Variants in CARD8 observed in about 807,000 individuals in gnomAD.
CARD8 encodes caspase recruitment domain-containing protein 8.
CARD8 carries 38 observed loss-of-function variants against 53.2 expected under a neutral mutation model. The observed-to-expected ratio is 0.71, with a 90% CI of 0.55 to 0.94. The LOEUF (loss-of-function observed/expected upper bound fraction) is 0.94, where lower values mean the gene tolerates loss of function less well. Ranked by LOEUF, CARD8 falls within the 40% of genes least tolerant of loss-of-function variation. The pLI, the probability that CARD8 is intolerant of heterozygous loss-of-function variation, is 0.00. For synonymous variants in CARD8, 245 were observed against 244.9 expected, an observed-to-expected ratio of 1.00 and a Z score of 0.00; for missense variants, 561 against 655.5, an observed-to-expected ratio of 0.86 and a Z score of 1.57.
intron 13 of CARD8, 114 bp from the exon 14 acceptor site, chr19:48,212,089 G>T (rs11669386): frequency 1.1e-6 from 1 of 949,246 alleles, no homozygotes; most frequent in East Asian, 2.4e-5. Flanking sequence ...TGTGTCTGTA[G>T]CTTAATTTGT....
intron 3 of CARD8, among the ~76,000 whole-genome samples, chr19:48,243,352 A>T (rs2045546993): frequency 6.6e-6 from 1 of 152,254 alleles, no homozygotes; most frequent in East Asian, 1.9e-4. Context: ...AAAACCCTAT[A>T]CAAATGTTTT....
In CARD8 at chr19:48,238,495, G is replaced by C. The variant is rs2044321916; in HGVS notation, c.97C>G (p.Leu33Val). The C allele has an allele frequency of 6.5e-7, 1 of 1,536,324 alleles. No homozygotes were observed. Among genetic ancestry groups the C allele is most frequent in the South Asian group, 1.2e-5 (1 of 84,072 alleles). Residue 33 changes from leucine (L) to valine (V), a missense_variant, in exon 5 of 14, where the codon CTC (leucine) becomes GTC (valine). Leu to Val is a conservative substitution (Grantham distance 32, BLOSUM62 1). Coordinates refer to ENST00000651546, the MANE Select transcript of CARD8 (RefSeq NM_001184900.3). Reference sequence around the variant, plus strand: ...TTCCGTGATCCTTGTAGTCTAATGAGTTTGGATGCATCTATGTTCCTACTG... The same window carrying C: ...TTCCGTGATCCTTGTAGTCTAATGACTTTGGATGCATCTATGTTCCTACTG... ...GSSRNIDASK[L>V]IRLQGSRKLL... is the part of the protein sequence containing the mutation.
chr19:48,227,686 C>T (rs2042057102), intron 10 of CARD8, among the ~76,000 whole-genome samples: 1 of 151,780 alleles, frequency 6.6e-6, no homozygotes, highest in East Asian at 1.9e-4. Flanking sequence ...GCCTGTAATC[C>T]CAACTACTCA....
At chr19:48,237,953 C>T (rs1446167397) in intron 5 of CARD8, among the ~76,000 whole-genome samples, 2 of 151,990 alleles carry the variant, frequency 1.3e-5, no homozygotes, top group South Asian at 2.1e-4. Flanking sequence ...TGCAGTTGCA[C>T]GATCTCGGCT....
At chr19:48,217,106 TG>T (rs2039477912) in intron 12 of CARD8, among the ~76,000 whole-genome samples, 1 of 151,972 alleles carries the variant, frequency 6.6e-6, no homozygotes, top group Non-Finnish European at 1.5e-5. Flanking sequence ...ATGCCACCAC[TG>T]ATCCGACAGG....
At chr19:48,238,568 G>C (rs2044340898) in intron 4 of CARD8, 36 bp from the exon 5 acceptor site, 2 of 1,530,120 alleles carry the variant, frequency 1.3e-6, no homozygotes, top group South Asian at 2.4e-5. Flanking sequence ...ATGTGAGCAT[G>C]TCAGAGGAGC....
At chr19:48,224,825 G>A (rs976501693) in intron 10 of CARD8, among the ~76,000 whole-genome samples, 23 of 149,148 alleles carry the variant, frequency 1.5e-4, no homozygotes, top group Non-Finnish European at 3.0e-4. Flanking sequence ...GTGCGATCTC[G>A]GCTCACTGAA....
In CARD8 at chr19:48,210,496, TATA is replaced by T. The variant is rs2037800337; in HGVS notation, c.*1211_*1213del. On this transcript the variant is annotated 3_prime_UTR_variant, in exon 14 of 14. Transcript: ENST00000651546. Reference sequence around the variant, plus strand: ...TCTGAGTGATTAAAAGTAGAAAATATATAATAATTTATTGATGGGTTTTAAGAT... The same window carrying T: ...TCTGAGTGATTAAAAGTAGAAAATATATAATTTATTGATGGGTTTTAAGAT... 1 of 152,084 alleles carries T rather than the reference TATA, an allele frequency of 6.6e-6. No homozygotes were observed. The highest frequency in any genetic ancestry group is 2.1e-4 in the South Asian group (1 of 4,834). The allele number at this position is 152,084 out of a possible 1,614,324, so 9.4% of individuals were successfully genotyped here. A position where few individuals can be genotyped will look rare whatever the true frequency, so the allele number is the denominator to read the frequency against.
intron 3 of CARD8, among the ~76,000 whole-genome samples, chr19:48,248,688 C>T (rs192351639): frequency 4.6e-5 from 7 of 152,296 alleles, no homozygotes; most frequent in Admixed American, 1.3e-4. Flanking sequence ...TGTATCTAGA[C>T]TTCAAGACAC....
intron 6 of CARD8, 100 bp from the exon 7 acceptor site, chr19:48,232,593 C>A: frequency 2.0e-6 from 2 of 996,314 alleles, no homozygotes; most frequent in Non-Finnish European, 3.1e-6. Flanking sequence ...CTGCACTGTC[C>A]CGTAGAGTAG....
At chr19:48,220,495 T>C (rs1311733556) in intron 11 of CARD8, among the ~76,000 whole-genome samples, 1 of 152,196 alleles carries the variant, frequency 6.6e-6, no homozygotes, top group Non-Finnish European at 1.5e-5. Flanking sequence ...TTGAAATCAC[T>C]GGGATGTGTT....
At chr19:48,247,568 C>T (rs1164964552) in intron 3 of CARD8, among the ~76,000 whole-genome samples, 1 of 151,634 alleles carries the variant, frequency 6.6e-6, no homozygotes, top group Non-Finnish European at 1.5e-5. Flanking sequence ...TTTGTATATG[C>T]ATAAAGAAAC....
chr19:48,212,398 T>C (rs2038179326), intron 13 of CARD8, among the ~76,000 whole-genome samples: 1 of 152,228 alleles, frequency 6.6e-6, no homozygotes, highest in South Asian at 2.1e-4. Flanking sequence ...TCCCCAAAGC[T>C]TAGCTGGCAG....
intron 3 of CARD8, among the ~76,000 whole-genome samples, chr19:48,247,735 C>T (rs936873838): frequency 2.0e-4 from 29 of 145,658 alleles, no homozygotes; most frequent in Non-Finnish European, 4.0e-4. Context: ...ATATACTATA[C>T]TTTCATGACA....
chr19:48,236,010 A>C (rs1322944462), intron 5 of CARD8, among the ~76,000 whole-genome samples: 1 of 152,140 alleles, frequency 6.6e-6, no homozygotes, highest in African/African-American at 2.4e-5. Context: ...TTTTTTCAGC[A>C]ATTCTGATTA....
At chr19:48,224,043 C>T (rs531781853) in intron 10 of CARD8, among the ~76,000 whole-genome samples, 6 of 152,228 alleles carry the variant, frequency 3.9e-5, no homozygotes, top group African/African-American at 1.4e-4. Flanking sequence ...CTCACTGCAA[C>T]CTCTGCCTCC....
chr19:48,228,789 C>T (rs192569064), intron 10 of CARD8, among the ~76,000 whole-genome samples: 1 of 151,908 alleles, frequency 6.6e-6, no homozygotes, highest in Non-Finnish European at 1.5e-5. Flanking sequence ...GTGGCTCCCA[C>T]ATAAGGGAAG....
chr19:48,235,442 C>G (rs8113696), intron 5 of CARD8, among the ~76,000 whole-genome samples: 45,289 of 152,018 alleles, frequency 0.3, 7,084 homozygotes, highest in East Asian at 0.46. Flanking sequence ...TAAGACATGC[C>G]TTTGCTCCTC....
rs12984612 is a variant in CARD8, at chr19:48,255,834, T to G, written c.-294A>C. The G allele has an allele frequency of 0.23, 35,575 of 152,072 alleles. 4,270 individuals are homozygous for G. Among genetic ancestry groups the G allele is most frequent in the Middle Eastern group, 0.34 (99 of 294 alleles). The allele number at this position is 152,072 out of a possible 1,614,324, so 9.4% of individuals were successfully genotyped here. A position where few individuals can be genotyped will look rare whatever the true frequency, so the allele number is the denominator to read the frequency against. On this transcript the variant is annotated 5_prime_UTR_variant, in exon 1 of 14. Transcript: ENST00000651546. ...AAAGCAGCAGGTGGTGACTTTAGGG[T>G]AGGACGGGCCAAATGGGAGAATCCC... is the stretch of plus-strand genomic sequence containing the variant.
Sources: gnomAD v4.1 joint callset for allele counts (sites outside exome capture counted in the v4.1 genomes callset) on GRCh38, gnomAD v4.1.1 for gene constraint, MANE v1.5 for transcripts, NCBI Gene and HGNC (gene_info 2026-07-23, HGNC 2026-07-21) for gene names.